The following RUFY2 variants were observed in gnomAD, a reference collection of about 807,000 sequenced individuals.
The protein encoded by RUFY2 is RUN and FYVE domain-containing protein 2.
A neutral mutation model predicts 94.4 loss-of-function variants in RUFY2; 49 were observed. The ratio of observed to expected loss-of-function variants is 0.52; its 90% CI spans 0.41 to 0.66. The LOEUF (loss-of-function observed/expected upper bound fraction) is 0.66. Among genes scored for constraint, RUFY2 ranks in the 30% least tolerant of loss-of-function variants. RUFY2 has a pLI of 0.00. For synonymous variants in RUFY2, 255 were observed against 235.7 expected, an observed-to-expected ratio of 1.08 and a Z score of -0.75; for missense variants, 541 against 692.8, an observed-to-expected ratio of 0.78 and a Z score of 2.46.
In RUFY2 at chr10:68,386,099, A is replaced by C; in HGVS notation, c.680T>G (p.Val227Gly). The C allele has an allele frequency of 5.0e-6, 8 of 1,612,940 alleles. No homozygotes were observed. The highest frequency in any genetic ancestry group is 6.8e-6 in the Non-Finnish European group (8 of 1,179,534). The change falls in exon 8 of 18, where the codon GTT becomes GGT. Residue 227 changes from valine (V) to glycine (G), a missense_variant. By Grantham distance (109) the Val-to-Gly change is moderately radical. Around this residue, in one of 3 missense-constraint regions of RUFY2, gnomAD observed 403 missense variants for 480.7 expected, o/e 0.84. Transcript: ENST00000602465. ...AGTATTTGACTTTTCTAATGAATCA[A>C]CTCTTGAATGGAGGCTGCTGACTGT... ...NSTVSSLHSR[V>G]DSLEKSNTKL...
chr10:68,404,742 A>T lies in RUFY2; in HGVS notation c.107T>A (p.Leu36Ter). 6.2e-7 allele frequency: 1 copy of T among 1,613,588 alleles called. No homozygotes were observed. Among genetic ancestry groups the T allele is most frequent in the South Asian group, 1.1e-5 (1 of 90,926 alleles). Residue 36 changes from leucine to a stop codon, truncating the protein, a stop_gained, in exon 2 of 18, where the codon TTG (leucine) becomes TAG (stop). Transcript: ENST00000602465. LOFTEE classifies it high-confidence loss of function. ...CTGCAAGGGGGGATAGTCAGAATCCAAAGTGCGGCCAAAGCTCAGAGCAGA... is the reference window on the plus strand; with the variant it reads ...CTGCAAGGGGGGATAGTCAGAATCCTAAGTGCGGCCAAAGCTCAGAGCAGA... ...IESALSFGRTLDSDYPPLQQF... is the reference protein window; with the variant it reads ...IESALSFGRT
At chr10:68,375,804 A>G (rs1474445221) in intron 13 of RUFY2, among the ~76,000 whole-genome samples, 1 of 151,744 alleles carries the variant, frequency 6.6e-6, no homozygotes, top group Non-Finnish European at 1.5e-5. Flanking sequence ...GACACAATTA[A>G]AACAAAAAGT....
In RUFY2 at chr10:68,367,028, C is replaced by T. The variant is rs368664539; in HGVS notation, c.1326-2915G>A. ...ACTAAAAACACAAAAATTATCTGGG[C>T]GTGGTGGCGGGTGCCTGTAATCTCA... On this transcript the variant is annotated intron_variant, in intron 13 of 17. Transcript: ENST00000602465. Among the ~76,000 whole-genome samples the T allele has an allele frequency of 8.6e-5, 13 of 151,162 alleles. No homozygotes were observed. The East Asian group carries it at 1.4e-3, about 16-fold the overall frequency.
chr10:68,376,232 C>T (rs958069107), intron 13 of RUFY2, among the ~76,000 whole-genome samples: 7 of 150,714 alleles, frequency 4.6e-5, no homozygotes, highest in Non-Finnish European at 7.4e-5. Context: ...TCAAGACCAG[C>T]CTGGTCAACA....
intron 7 of RUFY2, among the ~76,000 whole-genome samples, chr10:68,387,744 C>CCCATAATCCCAGCACTTTGGGAGG (rs200943084): frequency 0.11 from 16,402 of 151,834 alleles, 1,083 homozygotes; most frequent in South Asian, 0.24. Context: ...GTGGCTCACA[C>CCCATAATCCCAGCACTTTGGGAGG]CCATAATCCC....
Position 68,346,015 on chromosome 10 carries a change from TAGAG to T in RUFY2, c.1665_1668del (p.Ser556ArgfsTer60), listed in dbSNP as rs774863980. 3.9e-5 allele frequency: 63 copies of T among 1,613,908 alleles called. No homozygotes were observed. Among genetic ancestry groups the T allele is most frequent in the Non-Finnish European group, 5.3e-5 (62 of 1,179,932 alleles). The stretch of plus-strand genomic sequence containing the variant: ...CTTCTTATCTCCCTTACCTTTCTCT[TAGAG>T]AGTGAGAATTCCTTTTCACAAAGTT... On this transcript the variant is annotated frameshift_variant, in exon 17 of 18. Transcript: ENST00000602465. LOFTEE classifies it high-confidence loss of function.
chr10:68,357,417 C>T (rs1186681550), intron 15 of RUFY2, among the ~76,000 whole-genome samples: 1 of 151,688 alleles, frequency 6.6e-6, no homozygotes. Context: ...TTAGTAGAGA[C>T]GGGGTTTTTC....
At chr10:68,407,143 G>A in intron 1 of RUFY2, 43 bp downstream of exon 1, 5 of 1,484,320 alleles carry the variant, frequency 3.4e-6, no homozygotes, top group Non-Finnish European at 4.4e-6. Flanking sequence ...CCCTCAGCCC[G>A]GGACTGAGGG....
At chr10:68,397,408 G>A (rs2050468788) in intron 3 of RUFY2, among the ~76,000 whole-genome samples, 1 of 151,942 alleles carries the variant, frequency 6.6e-6, no homozygotes, top group East Asian at 1.9e-4. Context: ...ATGTTATGCA[G>A]CCCAGGACTC....
At chr10:68,376,305 T>C (rs2048630987) in intron 13 of RUFY2, among the ~76,000 whole-genome samples, 1 of 147,580 alleles carries the variant, frequency 6.8e-6, no homozygotes, top group Non-Finnish European at 1.5e-5. Context: ...CAGGCACCTG[T>C]AATCACAGCT....
At chr10:68,389,183 G>A (rs888992931) in intron 7 of RUFY2, among the ~76,000 whole-genome samples, 3 of 152,250 alleles carry the variant, frequency 2.0e-5, no homozygotes, top group Admixed American at 6.5e-5. Flanking sequence ...TACAGCATGC[G>A]CCACTGAGCC....
chr10:68,371,987 T>G (rs988263719), intron 13 of RUFY2, among the ~76,000 whole-genome samples: 3 of 152,166 alleles, frequency 2.0e-5, no homozygotes, highest in Admixed American at 1.3e-4. Flanking sequence ...CCAACAGACC[T>G]ACCCTAAAAG....
chr10:68,341,134 T>C (rs746459872), downstream of RUFY2: 3 of 1,411,618 alleles, frequency 2.1e-6, no homozygotes, highest in African/African-American at 1.5e-5. Context: ...TACTTTAATA[T>C]TCTCAATAGA....
At chr10:68,361,063 C>T (rs2047430575) in intron 15 of RUFY2, among the ~76,000 whole-genome samples, 1 of 152,016 alleles carries the variant, frequency 6.6e-6, no homozygotes, top group Non-Finnish European at 1.5e-5. Flanking sequence ...AGGCAGATCA[C>T]CTGAGGTCAG....
At chr10:68,370,117 CTACAAAAAA>C (rs1252381380) in intron 13 of RUFY2, among the ~76,000 whole-genome samples, 1 of 151,974 alleles carries the variant, frequency 6.6e-6, no homozygotes, top group Non-Finnish European at 1.5e-5. Context: ...AACCTCATCT[CTACAAAAAA>C]TACAAAAAAT....
downstream of RUFY2, chr10:68,341,903 T>C (rs1412951365): frequency 4.4e-6 from 7 of 1,591,728 alleles, no homozygotes; most frequent in Non-Finnish European, 6.0e-6. Flanking sequence ...GTGCAAACTT[T>C]AAAGTGCAGG....
chr10:68,367,099 C>A (rs1359290681), intron 13 of RUFY2, among the ~76,000 whole-genome samples: 1 of 150,948 alleles, frequency 6.6e-6, no homozygotes, highest in Non-Finnish European at 1.5e-5. Context: ...ACCCAGGAGG[C>A]GGAGGCTGCA....
chr10:68,365,606 T>A (rs1303181351), intron 13 of RUFY2, among the ~76,000 whole-genome samples: 3 of 152,242 alleles, frequency 2.0e-5, no homozygotes, highest in African/African-American at 7.2e-5. Context: ...TTTTTATCCA[T>A]CTTTCTTAAA....
intron 10 of RUFY2, among the ~76,000 whole-genome samples, chr10:68,382,734 A>AG (rs59957075): frequency 0.26 from 38,043 of 148,602 alleles, 6,777 homozygotes; most frequent in African/African-American, 0.5. Flanking sequence ...AAAAAGAAAA[A>AG]AAAAAGAAAT....
Sources: gnomAD v4.1 joint callset for allele counts (sites outside exome capture counted in the v4.1 genomes callset) on GRCh38, gnomAD v4.1.1 for gene constraint, gnomAD v4.1.1 regional missense constraint, MANE v1.5 for transcripts, NCBI Gene and HGNC (gene_info 2026-07-23, HGNC 2026-07-21) for gene names.